GDF1: variants seen among roughly 807,000 people sequenced by gnomAD.
GDF1 encodes embryonic growth/differentiation factor 1.
GDF1 carries 8 observed loss-of-function variants against 7.4 expected under a neutral mutation model. The observed-to-expected ratio is 1.09, with a 90% CI of 0.64 to 1.96. The LOEUF (loss-of-function observed/expected upper bound fraction) is 1.96. Ranked by LOEUF, GDF1 falls within the 30% of genes most tolerant of loss-of-function variation. The pLI is 0.00. For missense variants in GDF1, 574 were observed against 551.5 expected (o/e 1.04, Z -0.41); for synonymous variants, 311 against 276.7 (o/e 1.12, Z -1.23).
rs1335008737 is a variant in GDF1, at chr19:18,868,780, C to G, written c.936G>C (p.Pro312=). 1 of 1,465,016 alleles carries G rather than the reference C, an allele frequency of 6.8e-7. No individual in the cohort carries two copies. The highest frequency in any genetic ancestry group is 9.1e-7 in the Non-Finnish European group (1 of 1,099,828). 90.8% of individuals were successfully genotyped at this position (1,465,016 alleles called of 1,614,324 possible). The part of the protein sequence containing the change: ...LPVALSGSGG[P]PALNHAVLRA... ...GCAGCACAGCGTGGTTGAGCGCCGG[C>G]GGCCCCCCGGACCCCGACAGCGCGA... Residue 312 remains proline, a synonymous_variant, in exon 8 of 8, where the codon CCG becomes CCC. Coordinates refer to ENST00000247005, the MANE Select transcript of GDF1 (RefSeq NM_001492.6).
chr19:18,879,486 CCCATCCTTGCCCA>C, intron 4 of GDF1, 98 bp from the exon 5 acceptor site: 1 of 1,376,788 alleles, frequency 7.3e-7, no homozygotes, highest in African/African-American at 1.4e-5. Context: ...GCCCCCTTAT[CCCATCCTTGCCCA>C]CCTCTGCCCA....
intron 6 of GDF1, among the ~76,000 whole-genome samples, chr19:18,873,081 G>C (rs552229218): frequency 3.9e-5 from 6 of 152,188 alleles, no homozygotes; most frequent in Non-Finnish European, 8.8e-5. Flanking sequence ...ATGAGGAGGA[G>C]AGGGAGACAG....
chr19:18,874,604 CCT>C (rs1339064158), intron 6 of GDF1, among the ~76,000 whole-genome samples: 2 of 152,184 alleles, frequency 1.3e-5, no homozygotes, highest in East Asian at 3.9e-4. Context: ...CCCGGCAGCC[CCT>C]GAGAGGGCAA....
intron 2 of GDF1, among the ~76,000 whole-genome samples, chr19:18,888,878 TTTC>T (rs1469050768): frequency 6.8e-6 from 1 of 147,740 alleles, no homozygotes; most frequent in Non-Finnish European, 1.5e-5. Context: ...TATTCCAGAA[TTTC>T]TTTCTTTCTT....
At chr19:18,881,594 C>T (rs1195480569) in intron 3 of GDF1, 4 of 152,162 alleles carry the variant, frequency 2.6e-5, no homozygotes, top group Non-Finnish European at 2.9e-5. Context: ...ATGAGCTGCC[C>T]GAGGGTCCTG....
Position 18,869,397 on chromosome 19 carries a change from A to T in GDF1, c.326-7T>A. On this transcript the variant is annotated splice_polypyrimidine_tract_variant and splice_region_variant and intron_variant, in intron 7 of 7. Transcript: ENST00000247005. ...GAGGCCCGGGTGGGCGCACCTGGGG[A>T]GGTAGGAACAGGAACTCGGCTCGCG... The T allele has an allele frequency of 6.6e-7, 1 of 1,526,468 alleles. No individual in the cohort carries two copies. Among genetic ancestry groups the T allele is most frequent in the Non-Finnish European group, 8.7e-7 (1 of 1,143,284 alleles). The allele number at this position is 1,526,468 out of a possible 1,614,324, so 94.6% of individuals were successfully genotyped here. A position where few individuals can be genotyped will look rare whatever the true frequency, so the allele number is the denominator to read the frequency against.
intron 5 of GDF1, 23 bp downstream of exon 5, chr19:18,879,218 G>A (rs2056130868): frequency 2.5e-6 from 4 of 1,613,074 alleles, no homozygotes; most frequent in Non-Finnish European, 3.4e-6. Context: ...CGCCACTGTG[G>A]AGGAGAGCCG....
At chr19:18,874,307 CTATTTTT>C (rs1194838937) in intron 6 of GDF1, among the ~76,000 whole-genome samples, 1 of 152,282 alleles carries the variant, frequency 6.6e-6, no homozygotes, top group East Asian at 1.9e-4. Context: ...TCACAGTTTT[CTATTTTT>C]ATTTTTTGAG....
At chr19:18,884,289 A>G in intron 2 of GDF1, 22 bp from the exon 3 acceptor site, 1 of 1,600,116 alleles carries the variant, frequency 6.2e-7, no homozygotes. Flanking sequence ...CAAATCTCAC[A>G]GTCAGGGCCC....
chr19:18,881,105 T>C (rs192408790), intron 3 of GDF1, among the ~76,000 whole-genome samples: 143 of 152,270 alleles, frequency 9.4e-4, no homozygotes, highest in Non-Finnish European at 1.5e-3. Context: ...TCCATGAGCT[T>C]GTCCCTCACT....
Position 18,878,146 on chromosome 19 carries a change from A to G in GDF1, c.-313+784T>C. 2 of 985,574 alleles carry G rather than the reference A, an allele frequency of 2.0e-6. No individual in the cohort carries two copies. The highest frequency in any genetic ancestry group is 2.4e-6 in the Non-Finnish European group (2 of 830,036). The allele number at this position is 985,574 out of a possible 1,614,324, so 61.1% of individuals were successfully genotyped here. ...ACCGATGGCCCCCACCGGCCAAATCAGAGGGCCTGGCTGGTCGGCACCTTC... is the reference window on the plus strand; with the variant it reads ...ACCGATGGCCCCCACCGGCCAAATCGGAGGGCCTGGCTGGTCGGCACCTTC... On this transcript the variant is annotated intron_variant, in intron 6 of 7. Coordinates refer to ENST00000247005, the MANE Select transcript of GDF1 (RefSeq NM_001492.6). This position sits in a 1 kb window ranked among gnomAD's most constrained non-coding sequence, Gnocchi z 4.6.
At position 18,878,163 on chromosome 19, in the gene GDF1, G is replaced by A. The variant is rs562624889; in HGVS notation, c.-313+767C>T. 6.2e-4 allele frequency: 608 copies of A among 985,508 alleles called. 1 individual carries two copies. The South Asian group carries it at 9.4e-3, about 15-fold the overall frequency. 61.0% of individuals were successfully genotyped at this position (985,508 alleles called of 1,614,324 possible). Reference sequence around the variant, plus strand: ...GCCAAATCAGAGGGCCTGGCTGGTCGGCACCTTCCAGGGCCTTCCACAACC... The same window carrying A: ...GCCAAATCAGAGGGCCTGGCTGGTCAGCACCTTCCAGGGCCTTCCACAACC... On this transcript the variant is annotated intron_variant, in intron 6 of 7. Coordinates refer to ENST00000247005, the MANE Select transcript of GDF1 (RefSeq NM_001492.6). The surrounding 1 kb of genome is among the most constrained non-coding windows in gnomAD (Gnocchi z 4.6).
chr19:18,872,878 A>C (rs1262227092), intron 6 of GDF1, among the ~76,000 whole-genome samples: 1 of 152,074 alleles, frequency 6.6e-6, no homozygotes, highest in Non-Finnish European at 1.5e-5. Flanking sequence ...CGAACTCCTG[A>C]CCTCAGGTGA....
At chr19:18,885,501 GCC>G (rs1439557603) in intron 2 of GDF1, among the ~76,000 whole-genome samples, 5 of 136,264 alleles carry the variant, frequency 3.7e-5, no homozygotes, top group Non-Finnish European at 6.1e-5. Flanking sequence ...CCAGCCCAGC[GCC>G]CCTTCTCGTT....
chr19:18,869,140 C>A lies in GDF1; in HGVS notation c.576G>T (p.Pro192=). 9.0e-7 allele frequency: 1 copy of A among 1,108,980 alleles called. No individual in the cohort carries two copies. The highest frequency in any genetic ancestry group is 1.1e-6 in the Non-Finnish European group (1 of 908,584). 68.7% of individuals were successfully genotyped at this position (1,108,980 alleles called of 1,614,324 possible). The change falls in exon 8 of 8, where the codon CCG becomes CCT. Residue 192 remains proline, a synonymous_variant. Coordinates refer to ENST00000247005, the MANE Select transcript of GDF1 (RefSeq NM_001492.6). The part of the protein sequence containing the change: ...LLRQLVPALG[P]PVRAELLGAA... Reference sequence around the variant, plus strand: ...CGCCCAGCAGCTCCGCGCGCACTGGCGGCCCCAGGGCGGGCACCAACTGGC... The same window carrying A: ...CGCCCAGCAGCTCCGCGCGCACTGGAGGCCCCAGGGCGGGCACCAACTGGC...
chr19:18,885,119 T>G (rs547564125), intron 2 of GDF1, among the ~76,000 whole-genome samples: 1 of 152,196 alleles, frequency 6.6e-6, no homozygotes, highest in Non-Finnish European at 1.5e-5. Flanking sequence ...CCCACAGATT[T>G]CCATTTCCCT....
intron 2 of GDF1, among the ~76,000 whole-genome samples, chr19:18,892,627 C>A (rs548279875): frequency 7.2e-4 from 110 of 151,964 alleles, no homozygotes; most frequent in African/African-American, 2.6e-3. Context: ...AAAAGAAAAA[C>A]AACCACATCC....
intron 2 of GDF1, among the ~76,000 whole-genome samples, chr19:18,890,689 G>A (rs1226886527): frequency 1.3e-5 from 2 of 151,014 alleles, no homozygotes; most frequent in Non-Finnish European, 2.9e-5. Flanking sequence ...GCTGAGGTGG[G>A]ATGATTGCTT....
chr19:18,893,525 G>A lies in GDF1; in HGVS notation c.-1023C>T, dbSNP rs376834189. 34 of 1,610,872 alleles carry A rather than the reference G, an allele frequency of 2.1e-5. No individual in the cohort carries two copies. The African/African-American group carries it at 3.9e-4, about 18-fold the overall frequency. ...AGAAGAGAAACTTCCAAGCGCTCTC[G>A]GGCATCTTGGCGGCATCTCTGGGCT... is the stretch of plus-strand genomic sequence containing the variant. On this transcript the variant is annotated 5_prime_UTR_variant, in exon 2 of 8. Transcript: ENST00000247005.
Sources: allele counts gnomAD v4.1 joint callset (sites outside exome capture counted in the v4.1 genomes callset), GRCh38; gene constraint gnomAD v4.1.1; non-coding constraint Gnocchi (gnomAD v3.1); transcripts MANE v1.5; gene names NCBI Gene and HGNC (gene_info 2026-07-23, HGNC 2026-07-21).